The following SLC25A36 variants were observed in gnomAD, a reference collection of about 807,000 sequenced individuals.
SLC25A36 encodes solute carrier family 25 member 36.
A neutral mutation model predicts 35.3 loss-of-function variants in SLC25A36; 24 were observed. The ratio of observed to expected loss-of-function variants is 0.68; its 90% confidence interval spans 0.49 to 0.96. SLC25A36 has a LOEUF of 0.96. SLC25A36 is among the 40% of genes least tolerant of loss of function. SLC25A36 has a pLI of 0.00. For missense variants in SLC25A36, 294 were observed against 381.1 expected (o/e 0.77, Z 1.90); for synonymous variants, 141 against 132.2 (o/e 1.07, Z -0.46).
chr3:140,945,281 C>G (rs962001846), intron 1 of SLC25A36, among the ~76,000 whole-genome samples: 1 of 152,298 alleles, frequency 6.6e-6, no homozygotes. Flanking sequence ...CGTCTACCTC[C>G]TAATACTATC....
chr3:140,956,376 T>G (rs1934479014), intron 1 of SLC25A36, 151 bp from the exon 2 acceptor site: 2 of 995,606 alleles, frequency 2.0e-6, no homozygotes, highest in Non-Finnish European at 2.7e-6. Context: ...TGGAATCTCT[T>G]AAAAATCAGT....
intron 4 of SLC25A36, among the ~76,000 whole-genome samples, chr3:140,969,190 A>C (rs1182349877): frequency 1.3e-5 from 2 of 151,826 alleles, no homozygotes; most frequent in African/African-American, 4.8e-5. Flanking sequence ...AGAAGAGAAA[A>C]ATAATACTCT....
chr3:140,961,365 A>T (rs915877074), intron 3 of SLC25A36, among the ~76,000 whole-genome samples: 1 of 152,166 alleles, frequency 6.6e-6, no homozygotes, highest in Non-Finnish European at 1.5e-5. Context: ...TGATTTTTTT[A>T]AAATTGTATA....
intron 1 of SLC25A36, among the ~76,000 whole-genome samples, chr3:140,951,811 T>G (rs1934332190): frequency 6.6e-6 from 1 of 151,828 alleles, no homozygotes; most frequent in African/African-American, 2.4e-5. Context: ...TTTTGTTGTT[T>G]TTTAATTTTG....
chr3:140,969,252 G>C (rs1302804067), intron 4 of SLC25A36, among the ~76,000 whole-genome samples: 1 of 151,700 alleles, frequency 6.6e-6, no homozygotes, highest in East Asian at 1.9e-4. Flanking sequence ...ATTTAAACTG[G>C]TCTGATAGTT....
chr3:140,942,064 AG>A lies in SLC25A36; in HGVS notation c.13del (p.Asp5ThrfsTer19). The A allele has an allele frequency of 6.7e-7, 1 of 1,484,972 alleles. No individual in the cohort carries two copies. Among genetic ancestry groups the A allele is most frequent in the Non-Finnish European group, 9.1e-7 (1 of 1,102,122 alleles). 92.0% of individuals were successfully genotyped at this position (1,484,972 alleles called of 1,614,324 possible). A position where few individuals can be genotyped will look rare whatever the true frequency, so the allele number is the denominator to read the frequency against. Reference protein sequence around the residue: MSQRDTLVHLFAGG... With the variant: MSQXDTLVHLFAGG... ...ACATGCGGGAGAGAGAATGAGCCAG[AG>A]GGACACGCTGGTGCATCTGTTTGCC... On this transcript the variant is annotated frameshift_variant, in exon 1 of 7. Coordinates refer to ENST00000324194, the MANE Select transcript of SLC25A36 (RefSeq NM_001104647.3). LOFTEE classifies it high-confidence loss of function.
At chr3:140,957,220 A>ATT (rs1241933198) in intron 2 of SLC25A36, among the ~76,000 whole-genome samples, 1 of 152,224 alleles carries the variant, frequency 6.6e-6, no homozygotes, top group Non-Finnish European at 1.5e-5. Flanking sequence ...GAAATTTCAA[A>ATT]ACTATTAAAA....
rs959549809 is a variant in SLC25A36 at position 140,978,495 on chromosome 3, C to T, written c.*2042C>T. 6.6e-6 allele frequency: 1 copy of T among 152,112 alleles called. No homozygotes were observed. The highest frequency in any genetic ancestry group is 2.4e-5 in the African/African-American group (1 of 41,430). The allele number at this position is 152,112 out of a possible 1,614,324, so 9.4% of individuals were successfully genotyped here. A position where few individuals can be genotyped will look rare whatever the true frequency, so the allele number is the denominator to read the frequency against. On this transcript the variant is annotated 3_prime_UTR_variant, in exon 7 of 7. Transcript: ENST00000324194. ...CCTAGTCTTACTGATCTCAGTACCCCACAAATGATTAAGAATGATATGAAA... is the reference window on the plus strand; with the variant it reads ...CCTAGTCTTACTGATCTCAGTACCCTACAAATGATTAAGAATGATATGAAA...
At chr3:140,948,155 A>G (rs982927010) in intron 1 of SLC25A36, among the ~76,000 whole-genome samples, 3 of 152,122 alleles carry the variant, frequency 2.0e-5, no homozygotes, top group Non-Finnish European at 2.9e-5. Flanking sequence ...GGATTTCACC[A>G]TGTTGGTCAG....
At chr3:140,954,160 G>T (rs138725695) in intron 1 of SLC25A36, among the ~76,000 whole-genome samples, 1 of 152,016 alleles carries the variant, frequency 6.6e-6, no homozygotes, top group Non-Finnish European at 1.5e-5. Flanking sequence ...TTTTTTTAAC[G>T]TCAAAAATAA....
At chr3:140,959,049 C>T (rs1446330946) in intron 2 of SLC25A36, among the ~76,000 whole-genome samples, 2 of 138,788 alleles carry the variant, frequency 1.4e-5, no homozygotes, top group Admixed American at 7.6e-5. Context: ...CAGAGTTTCG[C>T]TCTGTCTCCA....
intron 5 of SLC25A36, among the ~76,000 whole-genome samples, chr3:140,973,452 A>T (rs1193122502): frequency 6.6e-6 from 1 of 152,186 alleles, no homozygotes; most frequent in Non-Finnish European, 1.5e-5. Context: ...TATCCCTGCC[A>T]TGTGAACCCC....
At chr3:140,944,360 G>A (rs1294747410) in intron 1 of SLC25A36, among the ~76,000 whole-genome samples, 2 of 152,122 alleles carry the variant, frequency 1.3e-5, no homozygotes, top group Non-Finnish European at 2.9e-5. Flanking sequence ...CATAACTCGT[G>A]CTTTCTTTAA....
rs535726220 is a variant in SLC25A36, at chr3:140,945,289, A to G, written c.41+3194A>G. The stretch of plus-strand genomic sequence containing the variant: ...TTGAAAGCGTCTACCTCCTAATACT[A>G]TCACCTTGGGATGTGAGTAGGATTT... On this transcript the variant is annotated intron_variant, in intron 1 of 6. Transcript: ENST00000324194. 3.3e-5 allele frequency among the ~76,000 whole-genome samples: 5 copies of G among 152,298 alleles called. No homozygotes were observed. In the East Asian group the frequency reaches 9.6e-4, roughly 29 times the overall value.
chr3:140,976,417 C>T lies in SLC25A36; in HGVS notation c.900C>T (p.Ala300=), dbSNP rs552016883. 4.1e-4 allele frequency: 660 copies of T among 1,613,394 alleles called. 7 individuals carry two copies. In the South Asian group the frequency reaches 6.8e-3, roughly 17 times the overall value. ...RQIPNTAIMM[A]TYELVVYLLN... The stretch of plus-strand genomic sequence containing the variant: ...TTCCAAACACAGCCATTATGATGGC[C>T]ACCTATGAATTGGTGGTTTACCTAC... The change falls in exon 7 of 7, where the codon GCC becomes GCT. Residue 300 remains alanine, a synonymous_variant. Coordinates refer to ENST00000324194, the MANE Select transcript of SLC25A36 (RefSeq NM_001104647.3).
intron 1 of SLC25A36, among the ~76,000 whole-genome samples, chr3:140,943,763 C>T (rs1576474038): frequency 6.6e-6 from 1 of 152,190 alleles, no homozygotes; most frequent in East Asian, 1.9e-4. Context: ...GTTCAGGATT[C>T]ATGTATCAAG....
chr3:140,973,878 G>C lies in SLC25A36; in HGVS notation c.615G>C (p.Leu205=), dbSNP rs777405386. The part of the protein sequence containing the change: ...VIYESIKQKL[L]EYKTASTMEN... The stretch of plus-strand genomic sequence containing the variant: ...ATGAAAGTATAAAACAAAAACTACT[G>C]GAATATAAGACTGCTTCTACAATGG... Residue 205 remains leucine (L), a synonymous_variant, in exon 6 of 7, where the codon CTG becomes CTC. Transcript: ENST00000324194. 1 of 1,613,262 alleles carries C rather than the reference G, an allele frequency of 6.2e-7. No homozygotes were observed. Among genetic ancestry groups the C allele is most frequent in the South Asian group, 1.1e-5 (1 of 91,032 alleles).
At chr3:140,968,816 TATA>T (rs1934830443) in intron 4 of SLC25A36, 1 of 569,302 alleles carries the variant, frequency 1.8e-6, no homozygotes, top group Non-Finnish European at 2.2e-6. Flanking sequence ...TTCAAATAAG[TATA>T]ATAAGATGAA....
At chr3:140,959,131 T>G (rs1934565469) in intron 2 of SLC25A36, among the ~76,000 whole-genome samples, 1 of 151,264 alleles carries the variant, frequency 6.6e-6, no homozygotes, top group Non-Finnish European at 1.5e-5. Context: ...TTCTCCTACC[T>G]CAGCCTCCTG....
Sources: gnomAD v4.1 joint callset for allele counts (sites outside exome capture counted in the v4.1 genomes callset) on GRCh38, gnomAD v4.1.1 for gene constraint, MANE v1.5 for transcripts, NCBI Gene and HGNC (gene_info 2026-07-23, HGNC 2026-07-21) for gene names.